The following LHX8 variants were observed in gnomAD, a reference collection of about 807,000 sequenced individuals.
LHX8 encodes the protein LIM homeobox 8.
In LHX8, 12 loss-of-function variants were observed where a neutral mutation model predicts 40.3. The observed-to-expected ratio is 0.30, with a 90% CI of 0.19 to 0.48. The LOEUF is 0.48. Among genes scored for constraint, LHX8 ranks in the 20% least tolerant of loss-of-function variants. LHX8 has a pLI of 0.99. For missense variants in LHX8, 344 were observed against 433.7 expected (o/e 0.79, Z 1.84); for synonymous variants, 179 against 162.0 (o/e 1.10, Z -0.80).
chr1:75,171,294 C>G, the LHX8 span, among the ~76,000 whole-genome samples: 448 of 152,046 alleles, frequency 2.9e-3, 2 homozygotes, highest in African/African-American at 0.01. Context: ...CACTTGGTAG[C>G]CAACATCTAC....
chr1:75,167,282 T>C, the LHX8 span, among the ~76,000 whole-genome samples: 1 of 152,228 alleles, frequency 6.6e-6, no homozygotes, highest in African/African-American at 2.4e-5. Context: ...ATATGCAAAA[T>C]GGACTAATAA....
intron 7 of LHX8, among the ~76,000 whole-genome samples, chr1:75,150,734 T>G (rs1570298647): frequency 1.3e-5 from 2 of 150,616 alleles, no homozygotes; most frequent in Non-Finnish European, 3.0e-5. Context: ...TGGAGTGCAG[T>G]GGTGTGATCT....
At chr1:75,167,044 T>C in the LHX8 span, among the ~76,000 whole-genome samples, 9 of 152,192 alleles carry the variant, frequency 5.9e-5, no homozygotes, top group African/African-American at 1.9e-4. Flanking sequence ...CCTGCTTGTG[T>C]TCTAATCTGA....
the LHX8 span, among the ~76,000 whole-genome samples, chr1:75,179,843 A>G: frequency 6.6e-6 from 1 of 151,886 alleles, no homozygotes; most frequent in Non-Finnish European, 1.5e-5. Context: ...GTTCCTTTCC[A>G]TGTTTAGTGC....
chr1:75,198,060 T>C, the LHX8 span, among the ~76,000 whole-genome samples: 1 of 152,098 alleles, frequency 6.6e-6, no homozygotes, highest in Non-Finnish European at 1.5e-5. Flanking sequence ...AGAAAGGTAA[T>C]GGTGAGGAAG....
chr1:75,194,939 AG>A, the LHX8 span, among the ~76,000 whole-genome samples: 1 of 152,116 alleles, frequency 6.6e-6, no homozygotes, highest in Non-Finnish European at 1.5e-5. Flanking sequence ...GGTTGTTGAG[AG>A]ATTGCCGGGT....
chr1:75,158,973 A>C (rs1256117575), intron 8 of LHX8, among the ~76,000 whole-genome samples: 2 of 152,142 alleles, frequency 1.3e-5, no homozygotes, highest in Non-Finnish European at 2.9e-5. Flanking sequence ...CATACCATGA[A>C]CTTTAGCATG....
the LHX8 span, among the ~76,000 whole-genome samples, chr1:75,177,160 CT>C: frequency 6.6e-6 from 1 of 152,102 alleles, no homozygotes; most frequent in African/African-American, 2.4e-5. Flanking sequence ...AATGTGGGCT[CT>C]TTTTTGGTTC....
In LHX8 at chr1:75,160,808, C is replaced by T. The variant is rs765840610; in HGVS notation, c.965-11C>T. 12 of 1,597,362 alleles carry T rather than the reference C, an allele frequency of 7.5e-6. No homozygotes were observed. The African/African-American group carries it at 1.6e-4, about 21-fold the overall frequency. ...ACAAAACTGATCCACAAATTTCTTTCTATTTTGTAGCTCATTCACCAACAA... is the reference window on the plus strand; with the variant it reads ...ACAAAACTGATCCACAAATTTCTTTTTATTTTGTAGCTCATTCACCAACAA... On this transcript the variant is annotated splice_polypyrimidine_tract_variant and intron_variant, in intron 8 of 8. Transcript: ENST00000356261.
At chr1:75,166,013 GA>G (rs1264444410), downstream of LHX8, among the ~76,000 whole-genome samples, 5 of 152,094 alleles carry the variant, frequency 3.3e-5, no homozygotes, top group Non-Finnish European at 7.4e-5. Context: ...GAGATGAATG[GA>G]AAAAAGACAT....
chr1:75,158,299 TTGTA>T (rs1648824325), intron 8 of LHX8, among the ~76,000 whole-genome samples: 1 of 152,194 alleles, frequency 6.6e-6, no homozygotes, highest in Non-Finnish European at 1.5e-5. Flanking sequence ...TTTTTGATAA[TTGTA>T]TGTGCTTAGA....
chr1:75,193,243 G>A, the LHX8 span, among the ~76,000 whole-genome samples: 1 of 152,130 alleles, frequency 6.6e-6, no homozygotes, highest in Non-Finnish European at 1.5e-5. Flanking sequence ...AGCTTAAAGT[G>A]TCAGCTGCCT....
At chr1:75,142,539 G>T (rs958213416) in intron 4 of LHX8, among the ~76,000 whole-genome samples, 4 of 152,034 alleles carry the variant, frequency 2.6e-5, no homozygotes, top group African/African-American at 9.7e-5. Context: ...TTCACCAAAG[G>T]AAACATTTCT....
At chr1:75,143,755 A>G in intron 5 of LHX8, 90 bp from the exon 6 acceptor site, 1 of 980,394 alleles carries the variant, frequency 1.0e-6, no homozygotes, top group East Asian at 2.4e-5. Context: ...ACAGTTACAC[A>G]AAAAGCCAAG....
In LHX8 at chr1:75,137,268, T is replaced by C. The variant is rs1213368907; in HGVS notation, c.237+7T>C. ...GGACAAATACCTTCTCAAGGTAGGATAGGGCCTCGGGTGCGAGGCCCAAGG... is the reference window on the plus strand; with the variant it reads ...GGACAAATACCTTCTCAAGGTAGGACAGGGCCTCGGGTGCGAGGCCCAAGG... On this transcript the variant is annotated splice_region_variant and intron_variant, in intron 3 of 8. Coordinates refer to ENST00000356261, the MANE Select transcript of LHX8 (RefSeq NM_001256114.2). 3 of 1,613,098 alleles carry C rather than the reference T, an allele frequency of 1.9e-6. No homozygotes were observed. The highest frequency in any genetic ancestry group is 2.7e-5 in the African/African-American group (2 of 74,868).
rs1340554040 is a variant in LHX8 at position 75,160,828 on chromosome 1, C to T, written c.974C>T (p.Pro325Leu). The change falls in exon 9 of 9, where the codon CCA (proline) becomes CTA (leucine). Residue 325 changes from proline to leucine, a missense_variant. By Grantham distance (98) the Pro-to-Leu change is moderately conservative. Around this residue, in one of 3 missense-constraint regions of LHX8, gnomAD observed 89 missense variants for 92.8 expected, o/e 0.96. Coordinates refer to ENST00000356261, the MANE Select transcript of LHX8 (RefSeq NM_001256114.2). Reference sequence around the variant, plus strand: ...TCTTTCTATTTTGTAGCTCATTCACCAACAACTCTTGGACTCCAGCCCTTG... The same window carrying T: ...TCTTTCTATTTTGTAGCTCATTCACTAACAACTCTTGGACTCCAGCCCTTG... ...ALHSYMDAHS[P>L]TTLGLQPLLP... 1 of 1,611,872 alleles carries T rather than the reference C, an allele frequency of 6.2e-7. No homozygotes were observed. The highest frequency in any genetic ancestry group is 8.5e-7 in the Non-Finnish European group (1 of 1,178,058).
chr1:75,163,018 C>CTTT (rs11379344), downstream of LHX8, among the ~76,000 whole-genome samples: 13 of 143,736 alleles, frequency 9.0e-5, no homozygotes, highest in South Asian at 2.2e-4. Context: ...GGTAGGATAC[C>CTTT]TTTTTTTTTT....
the LHX8 span, among the ~76,000 whole-genome samples, chr1:75,197,740 A>T: frequency 6.6e-6 from 1 of 152,174 alleles, no homozygotes; most frequent in Admixed American, 6.5e-5. Context: ...AGTCCTCTAG[A>T]CAGATTTGAA....
At chr1:75,186,750 C>T in the LHX8 span, among the ~76,000 whole-genome samples, 14 of 152,148 alleles carry the variant, frequency 9.2e-5, no homozygotes, top group Admixed American at 8.5e-4. Flanking sequence ...TGAGTGCCAA[C>T]ATACATGCAC....
Sources: allele counts gnomAD v4.1 joint callset (sites outside exome capture counted in the v4.1 genomes callset), GRCh38; gene constraint gnomAD v4.1.1; regional missense constraint gnomAD v4.1.1; transcripts MANE v1.5; gene names NCBI Gene and HGNC (gene_info 2026-07-23, HGNC 2026-07-21).